Variants in VPS26A observed in about 807,000 individuals in gnomAD.
VPS26A encodes the protein VPS26 retromer complex component A.
A neutral mutation model predicts 42.4 loss-of-function variants in VPS26A; 22 were observed. That is an observed-to-expected ratio of 0.52 (90% CI 0.37 to 0.74). The LOEUF (loss-of-function observed/expected upper bound fraction) is 0.74, where lower values mean the gene tolerates loss of function less well. Among genes scored for constraint, VPS26A ranks in the 30% least tolerant of loss-of-function variants. VPS26A has a pLI of 0.00. For synonymous variants in VPS26A, 110 were observed against 123.5 expected (o/e 0.89, Z 0.73); for missense variants, 276 against 379.2 (o/e 0.73, Z 2.26).
chr10:69,153,979 G>A (rs760245568), intron 2 of VPS26A, among the ~76,000 whole-genome samples: 1 of 152,122 alleles, frequency 6.6e-6, no homozygotes, highest in Non-Finnish European at 1.5e-5. Flanking sequence ...GGGGAACCCG[G>A]TAGGATTGTA....
intron 2 of VPS26A, among the ~76,000 whole-genome samples, chr10:69,151,489 C>T (rs1032000230): frequency 1.3e-5 from 2 of 151,312 alleles, no homozygotes; most frequent in African/African-American, 4.9e-5. Flanking sequence ...TGACCCAGCT[C>T]ACCAGCATAG....
chr10:69,145,066 G>A (rs965037731), intron 2 of VPS26A, among the ~76,000 whole-genome samples: 2 of 151,140 alleles, frequency 1.3e-5, no homozygotes, highest in African/African-American at 4.9e-5. Context: ...ACAGAGTTTC[G>A]CTCTTGTTGC....
At chr10:69,132,674 C>A (rs1181515467) in intron 1 of VPS26A, among the ~76,000 whole-genome samples, 1 of 152,040 alleles carries the variant, frequency 6.6e-6, no homozygotes, top group Non-Finnish European at 1.5e-5. Context: ...AACTCCTGAC[C>A]TCAGGTGATC....
chr10:69,146,139 C>T (rs1216066055), intron 2 of VPS26A, among the ~76,000 whole-genome samples: 1 of 152,106 alleles, frequency 6.6e-6, no homozygotes, highest in Non-Finnish European at 1.5e-5. Context: ...CTGTCACCCA[C>T]GCTGGAGTAC....
chr10:69,145,816 CA>C (rs1328945305), intron 2 of VPS26A, among the ~76,000 whole-genome samples: 1 of 151,370 alleles, frequency 6.6e-6, no homozygotes, highest in Non-Finnish European at 1.5e-5. Flanking sequence ...ACTATATTTG[CA>C]GAGTTGAGCC....
intron 1 of VPS26A, among the ~76,000 whole-genome samples, chr10:69,129,369 T>TG (rs1387802401): frequency 6.6e-6 from 1 of 152,150 alleles, no homozygotes; most frequent in Non-Finnish European, 1.5e-5. Context: ...GTTTAAGACT[T>TG]GGAGTACGAA....
chr10:69,163,745 AT>A (rs1841614854), intron 6 of VPS26A, among the ~76,000 whole-genome samples: 1 of 151,572 alleles, frequency 6.6e-6, no homozygotes, highest in South Asian at 2.1e-4. Context: ...ATATTCCATT[AT>A]AGTTTTAATT....
intron 2 of VPS26A, among the ~76,000 whole-genome samples, chr10:69,151,499 G>A (rs528639860): frequency 4.7e-4 from 70 of 150,274 alleles, no homozygotes; most frequent in Admixed American, 4.6e-3. Flanking sequence ...CACCAGCATA[G>A]TTAGTTTACT....
At chr10:69,157,322 T>TAA (rs532746423) in intron 4 of VPS26A, among the ~76,000 whole-genome samples, 159 bp downstream of exon 4, 268 of 152,338 alleles carry the variant, frequency 1.8e-3, no homozygotes, top group Non-Finnish European at 2.7e-3. Flanking sequence ...TTTGAGGTAA[T>TAA]AGAGCGTTCT....
At chr10:69,142,209 G>A (rs112832035) in intron 2 of VPS26A, among the ~76,000 whole-genome samples, 5,259 of 136,114 alleles carry the variant, frequency 0.039, 386 homozygotes, top group African/African-American at 0.15. Flanking sequence ...TTTTTGAGGT[G>A]GGGTCTCACT....
rs370434579 is a variant in VPS26A, at chr10:69,157,040, T to A, written c.263T>A (p.Phe88Tyr). 16 of 1,612,416 alleles carry A rather than the reference T, an allele frequency of 9.9e-6. No individual in the cohort carries two copies. The highest frequency in any genetic ancestry group is 1.3e-5 in the Non-Finnish European group (15 of 1,179,366). ...AATGACAAGAGTAATACTCATGAAT[T>A]TGTAAACCTAGTGAAAGAACTAGCC... ...LFNDKSNTHE[F>Y]VNLVKELALP... The change falls in exon 4 of 9, where the codon TTT becomes TAT. Residue 88 changes from phenylalanine (F) to tyrosine (Y), a missense_variant. By Grantham distance (22) the Phe-to-Tyr change is conservative (BLOSUM62 3). Transcript: ENST00000263559.
Position 69,173,263 on chromosome 10 carries a change from A to C in VPS26A, c.*1994A>C, listed in dbSNP as rs1841856441. On this transcript the variant is annotated 3_prime_UTR_variant, in exon 9 of 9. Coordinates refer to ENST00000263559, the MANE Select transcript of VPS26A (RefSeq NM_004896.5). ...TGGCTGCATATCAGAATCACCTTAG[A>C]AGCTTTTAAAATAACCAGGCCCGGG... Among the ~76,000 whole-genome samples, 1 of 152,228 alleles carries C rather than the reference A, an allele frequency of 6.6e-6. No individual in the cohort carries two copies. Among genetic ancestry groups the C allele is most frequent in the Non-Finnish European group, 1.5e-5 (1 of 68,040 alleles).
At chr10:69,160,446 C>T (rs551145123) in intron 5 of VPS26A, among the ~76,000 whole-genome samples, 1 of 151,150 alleles carries the variant, frequency 6.6e-6, no homozygotes, top group African/African-American at 2.4e-5. Context: ...GCATGAGCCA[C>T]CGCGCCCAAC....
intron 2 of VPS26A, among the ~76,000 whole-genome samples, chr10:69,151,633 CAG>C (rs984030851): frequency 6.6e-6 from 1 of 152,066 alleles, no homozygotes; most frequent in African/African-American, 2.4e-5. Flanking sequence ...GTTTTAACAT[CAG>C]TGGGAGATCA....
intron 2 of VPS26A, among the ~76,000 whole-genome samples, chr10:69,151,655 T>G (rs1377436682): frequency 6.6e-6 from 1 of 152,158 alleles, no homozygotes; most frequent in African/African-American, 2.4e-5. Context: ...AAGGAAAATT[T>G]CAGAGTTTGC....
rs1840594531 is a variant in VPS26A at position 69,124,250 on chromosome 10, T to C, written c.-28T>C. 7.8e-7 allele frequency: 1 copy of C among 1,282,544 alleles called. No homozygotes were observed. Among genetic ancestry groups the C allele is most frequent in the Non-Finnish European group, 9.9e-7 (1 of 1,010,122 alleles). 79.4% of individuals were successfully genotyped at this position (1,282,544 alleles called of 1,614,324 possible). A position where few individuals can be genotyped will look rare whatever the true frequency, so the allele number is the denominator to read the frequency against. On this transcript the variant is annotated 5_prime_UTR_variant, in exon 1 of 9. Coordinates refer to ENST00000263559, the MANE Select transcript of VPS26A (RefSeq NM_004896.5). The stretch of plus-strand genomic sequence containing the variant: ...TTCTCCTGAGGGAAGAGGAGTGGAG[T>C]AGGGGGGACGCGGCGGCGGCGTTGA...
At chr10:69,148,293 C>G (rs1841209732) in intron 2 of VPS26A, among the ~76,000 whole-genome samples, 1 of 152,028 alleles carries the variant, frequency 6.6e-6, no homozygotes, top group African/African-American at 2.4e-5. Flanking sequence ...AGTAAAATGG[C>G]TTGAGGTGGT....
At position 69,148,067 on chromosome 10, in the gene VPS26A, A is replaced by AT. The variant is rs200733782; in HGVS notation, c.154-7735dup. 1.8e-3 allele frequency among the ~76,000 whole-genome samples: 278 copies of AT among 150,562 alleles called. 5 individuals are homozygous for AT. The highest frequency in any genetic ancestry group is 3.6e-3 in the Admixed American group (54 of 15,124). The stretch of plus-strand genomic sequence containing the variant: ...TCAAACTCTTTAGGTATTGCTGAGA[A>AT]TTTTTTTTTTATAAATATGAAATAG... On this transcript the variant is annotated intron_variant, in intron 2 of 8. Transcript: ENST00000263559.
chr10:69,127,490 T>C (rs1471854128), intron 1 of VPS26A, among the ~76,000 whole-genome samples: 3 of 151,056 alleles, frequency 2.0e-5, no homozygotes, highest in Non-Finnish European at 4.4e-5. Context: ...GAGGCGGAGC[T>C]TGCAGTGAGC....
Sources: allele counts gnomAD v4.1 joint callset (sites outside exome capture counted in the v4.1 genomes callset), GRCh38; gene constraint gnomAD v4.1.1; transcripts MANE v1.5; gene names NCBI Gene and HGNC (gene_info 2026-07-23, HGNC 2026-07-21).